TEAD1: variants seen among roughly 807,000 people sequenced by gnomAD.
The protein encoded by TEAD1 is transcriptional enhancer factor TEF-1.
TEAD1 carries 9 observed loss-of-function variants against 54.9 expected under a neutral mutation model. The ratio of observed to expected loss-of-function variants is 0.16; its 90% CI spans 0.10 to 0.29. The LOEUF is 0.29. TEAD1 is among the 10% of genes least tolerant of loss of function. TEAD1 has a pLI of 1.00. For synonymous variants in TEAD1, 200 were observed against 187.8 expected (o/e 1.07, Z -0.53); for missense variants, 387 against 535.9 (o/e 0.72, Z 2.74).
chr11:12,724,997 C>T (rs1944286250), intron 2 of TEAD1, among the ~76,000 whole-genome samples: 1 of 152,138 alleles, frequency 6.6e-6, no homozygotes, highest in Admixed American at 6.5e-5. Flanking sequence ...CCTGGGAGTA[C>T]ACATGGGATT....
intron 9 of TEAD1, among the ~76,000 whole-genome samples, chr11:12,890,448 G>A (rs77101313): frequency 0.016 from 2,451 of 152,244 alleles, 73 homozygotes; most frequent in African/African-American, 0.056. Flanking sequence ...CTTTCATCAT[G>A]CTCTAGTGGC....
intron 2 of TEAD1, among the ~76,000 whole-genome samples, chr11:12,711,821 G>T (rs192035502): frequency 1.3e-5 from 2 of 152,352 alleles, no homozygotes; most frequent in African/African-American, 4.8e-5. Context: ...TGAAGCAAGT[G>T]TGGGGTCCCT....
chr11:12,866,569 TA>T (rs899971856), intron 5 of TEAD1, among the ~76,000 whole-genome samples: 56 of 151,778 alleles, frequency 3.7e-4, no homozygotes, highest in African/African-American at 6.0e-4. Context: ...TGTTTGTTTC[TA>T]AAAAAAAATT....
chr11:12,932,528 T>C (rs1949028814), intron 12 of TEAD1, among the ~76,000 whole-genome samples: 1 of 152,138 alleles, frequency 6.6e-6, no homozygotes, highest in Non-Finnish European at 1.5e-5. Flanking sequence ...CTAAGATAAA[T>C]GTGGCCTGGA....
chr11:12,783,097 T>G (rs1162866123), intron 3 of TEAD1, among the ~76,000 whole-genome samples: 1 of 134,956 alleles, frequency 7.4e-6, no homozygotes, highest in Non-Finnish European at 1.6e-5. Flanking sequence ...CAGGTAAGGG[T>G]TTGTGTGTGT....
intron 2 of TEAD1, among the ~76,000 whole-genome samples, chr11:12,736,955 T>C (rs980538848): frequency 6.6e-6 from 1 of 152,228 alleles, no homozygotes; most frequent in African/African-American, 2.4e-5. Flanking sequence ...TTTGTATCTA[T>C]ATGTATGTAT....
chr11:12,686,987 G>GT (rs1943348129), intron 2 of TEAD1, among the ~76,000 whole-genome samples: 1 of 152,194 alleles, frequency 6.6e-6, no homozygotes, highest in South Asian at 2.1e-4. Context: ...CTGTTACCTT[G>GT]TTGGGGTGGT....
intron 3 of TEAD1, 144 bp downstream of exon 3, chr11:12,764,578 T>C: frequency 2.0e-6 from 2 of 984,152 alleles, no homozygotes; most frequent in Middle Eastern, 5.5e-4. Context: ...TCCAAAGGAC[T>C]CACCCTAAAC....
At chr11:12,919,606 A>G (rs1297098201) in intron 10 of TEAD1, among the ~76,000 whole-genome samples, 1 of 151,666 alleles carries the variant, frequency 6.6e-6, no homozygotes, top group Non-Finnish European at 1.5e-5. Flanking sequence ...GAAGCTTCCT[A>G]TTTTAGCCTC....
In TEAD1 at chr11:12,938,312, C is replaced by G. The variant is rs964565776; in HGVS notation, c.*1090C>G. The G allele has an allele frequency of 9.2e-5, 14 of 152,748 alleles. No homozygotes were observed. Among genetic ancestry groups the G allele is most frequent in the Non-Finnish European group, 1.8e-4 (12 of 68,024 alleles). The allele number at this position is 152,748 out of a possible 1,614,324, so 9.5% of individuals were successfully genotyped here. A position where few individuals can be genotyped will look rare whatever the true frequency, so the allele number is the denominator to read the frequency against. ...GTAAAAGGCTCATCAGTTTTAGCAT[C>G]TCTGCTCCCCAGAAAATTGTAAGCA... On this transcript the variant is annotated 3_prime_UTR_variant, in exon 13 of 13. Coordinates refer to ENST00000527636, the MANE Select transcript of TEAD1 (RefSeq NM_021961.6).
At chr11:12,887,255 C>G (rs982040545) in intron 9 of TEAD1, among the ~76,000 whole-genome samples, 1 of 151,936 alleles carries the variant, frequency 6.6e-6, no homozygotes, top group African/African-American at 2.4e-5. Flanking sequence ...CACCACCACG[C>G]CCGGCTAATT....
chr11:12,734,742 A>G (rs1400935464), intron 2 of TEAD1, among the ~76,000 whole-genome samples: 32 of 152,222 alleles, frequency 2.1e-4, no homozygotes, highest in Non-Finnish European at 1.8e-4. Context: ...ACAATAGGCT[A>G]TAACTGTACC....
intron 2 of TEAD1, among the ~76,000 whole-genome samples, chr11:12,722,966 A>G (rs988309115): frequency 6.9e-6 from 1 of 145,574 alleles, no homozygotes; most frequent in East Asian, 1.9e-4. Flanking sequence ...CTACTGTTGG[A>G]CATCTAGATT....
intron 2 of TEAD1, among the ~76,000 whole-genome samples, chr11:12,746,783 T>A (rs561786794): frequency 1.3e-5 from 2 of 152,206 alleles, no homozygotes; most frequent in Non-Finnish European, 2.9e-5. Flanking sequence ...CTGGCTCTTG[T>A]GGGAGGTGAA....
intron 5 of TEAD1, among the ~76,000 whole-genome samples, chr11:12,870,910 T>G (rs1947734218): frequency 6.6e-6 from 1 of 152,050 alleles, no homozygotes; most frequent in Admixed American, 6.6e-5. Context: ...AGAAAAAATG[T>G]CTAGGACAGA....
intron 12 of TEAD1, among the ~76,000 whole-genome samples, chr11:12,934,068 C>T (rs930657827): frequency 6.6e-6 from 1 of 152,170 alleles, no homozygotes; most frequent in Non-Finnish European, 1.5e-5. Context: ...AATCATGCTG[C>T]TATAAAGACA....
intron 2 of TEAD1, among the ~76,000 whole-genome samples, chr11:12,676,326 AT>A (rs1233137774): frequency 1.3e-5 from 2 of 152,192 alleles, no homozygotes; most frequent in East Asian, 3.8e-4. Flanking sequence ...CTGAGTAGAC[AT>A]ATCCCTCCCT....
intron 2 of TEAD1, among the ~76,000 whole-genome samples, chr11:12,692,542 G>A (rs1412189371): frequency 2.6e-5 from 4 of 151,824 alleles, no homozygotes; most frequent in African/African-American, 7.3e-5. Context: ...CAAGCTTAAT[G>A]TAATGGTTCC....
At chr11:12,726,022 C>G (rs543867336) in intron 2 of TEAD1, among the ~76,000 whole-genome samples, 1 of 152,096 alleles carries the variant, frequency 6.6e-6, no homozygotes, top group Non-Finnish European at 1.5e-5. Flanking sequence ...TTTATTGAGC[C>G]AGTTTTGGGC....
Sources: gnomAD v4.1 joint callset for allele counts (sites outside exome capture counted in the v4.1 genomes callset) on GRCh38, gnomAD v4.1.1 for gene constraint, MANE v1.5 for transcripts, NCBI Gene and HGNC (gene_info 2026-07-23, HGNC 2026-07-21) for gene names.